The following BRINP1 variants were observed in gnomAD, a reference collection of about 807,000 sequenced individuals.
The protein encoded by BRINP1 is BMP/retinoic acid inducible neural specific 1, also known as BMP/retinoic acid-inducible neural-specific protein 1.
A neutral mutation model predicts 72.9 loss-of-function variants in BRINP1; 17 were observed. That is an observed-to-expected ratio of 0.23 (90% CI 0.16 to 0.35). The LOEUF is 0.35. BRINP1 is among the 10% of genes least tolerant of loss of function. BRINP1 has a pLI of 1.00. For synonymous variants in BRINP1, 418 were observed against 378.5 expected (o/e 1.10, Z -1.21); for missense variants, 850 against 1,001.6 (o/e 0.85, Z 2.04).
Position 119,249,069 on chromosome 9 carries a change from C to T in BRINP1, c.300G>A (p.Glu100=). 6.2e-7 allele frequency: 1 copy of T among 1,614,114 alleles called. No homozygotes were observed. The highest frequency in any genetic ancestry group is 8.5e-7 in the Non-Finnish European group (1 of 1,180,022). Residue 100 remains glutamate, a synonymous_variant, in exon 3 of 8, where the codon GAG becomes GAA. Coordinates refer to ENST00000265922, the MANE Select transcript of BRINP1 (RefSeq NM_014618.3). ...LVRHPVPLMP[E]FQRSIRLLGR... is the part of the protein sequence containing the mutation. ...CAAGCAGGCGGATGCTCCTTTGAAA[C>T]TCCGGCATGAGGGGCACTGGATGGC...
chr9:119,349,441 G>A (rs993826702), intron 1 of BRINP1, among the ~76,000 whole-genome samples: 1 of 152,200 alleles, frequency 6.6e-6, no homozygotes, highest in Admixed American at 6.5e-5. Context: ...TTGGAGAGAA[G>A]CCGAGAGATT....
chr9:119,327,786 A>G (rs1449992634), intron 1 of BRINP1, among the ~76,000 whole-genome samples: 1 of 152,166 alleles, frequency 6.6e-6, no homozygotes, highest in East Asian at 1.9e-4. Context: ...CATGACAATA[A>G]AGAATAATGG....
intron 2 of BRINP1, among the ~76,000 whole-genome samples, chr9:119,276,784 T>A (rs1264417626): frequency 1.3e-5 from 2 of 152,216 alleles, no homozygotes; most frequent in Non-Finnish European, 2.9e-5. Flanking sequence ...CAGATTTAAA[T>A]TCTTTGTCTT....
intron 7 of BRINP1, among the ~76,000 whole-genome samples, chr9:119,175,107 T>A (rs1829466647): frequency 5.8e-5 from 3 of 52,038 alleles, no homozygotes; most frequent in African/African-American, 1.8e-4. Context: ...CCCTAAAACT[T>A]AAAGTAAAGT....
At chr9:119,358,998 T>C (rs1236766272) in intron 1 of BRINP1, among the ~76,000 whole-genome samples, 2 of 152,192 alleles carry the variant, frequency 1.3e-5, no homozygotes, top group Non-Finnish European at 2.9e-5. Context: ...TAATACTTTT[T>C]TTCTACATGT....
intron 7 of BRINP1, among the ~76,000 whole-genome samples, chr9:119,185,548 A>G (rs980626842): frequency 2.6e-5 from 4 of 152,228 alleles, no homozygotes; most frequent in African/African-American, 9.6e-5. Context: ...GGACCAAAAC[A>G]ATGAACAAAC....
chr9:119,202,571 C>T lies in BRINP1; in HGVS notation c.1145+6148G>A, dbSNP rs751616791. ...TTAAAGTCCATCTTTCCCTTTTTAACTGCACAGTGTAAGGATCTCCTGGTG... is the reference window on the plus strand; with the variant it reads ...TTAAAGTCCATCTTTCCCTTTTTAATTGCACAGTGTAAGGATCTCCTGGTG... On this transcript the variant is annotated intron_variant, in intron 7 of 7. Transcript: ENST00000265922. Among the ~76,000 whole-genome samples the T allele has an allele frequency of 1.2e-4, 19 of 152,166 alleles. 1 individual carries two copies. Among genetic ancestry groups the T allele is most frequent in the Non-Finnish European group, 2.8e-4 (19 of 68,036 alleles).
intron 2 of BRINP1, among the ~76,000 whole-genome samples, chr9:119,280,776 C>G (rs927168459): frequency 6.6e-6 from 1 of 152,106 alleles, no homozygotes; most frequent in African/African-American, 2.4e-5. Flanking sequence ...GTGTGAAGAA[C>G]TGGCCCCAAG....
chr9:119,341,576 G>C (rs1831406505), intron 1 of BRINP1, among the ~76,000 whole-genome samples: 1 of 152,156 alleles, frequency 6.6e-6, no homozygotes, highest in Admixed American at 6.5e-5. Context: ...ATAAACAACT[G>C]ACACTCTACA....
At chr9:119,172,269 A>G (rs1446558323) in intron 7 of BRINP1, among the ~76,000 whole-genome samples, 1 of 152,124 alleles carries the variant, frequency 6.6e-6, no homozygotes, top group African/African-American at 2.4e-5. Context: ...GAAGAATCAA[A>G]TAGACGCAAT....
chr9:119,254,689 G>A (rs73661139), intron 2 of BRINP1, among the ~76,000 whole-genome samples: 8,080 of 152,220 alleles, frequency 0.053, 249 homozygotes, highest in Non-Finnish European at 0.07. Flanking sequence ...AGGAAGGGTA[G>A]GCAAACATTT....
intron 2 of BRINP1, among the ~76,000 whole-genome samples, chr9:119,277,029 C>T (rs1830663727): frequency 6.6e-6 from 1 of 152,118 alleles, no homozygotes; most frequent in Non-Finnish European, 1.5e-5. Context: ...TATAGTTTTG[C>T]CTTGTTCAGA....
At chr9:119,315,221 G>A (rs948780784) in intron 1 of BRINP1, among the ~76,000 whole-genome samples, 1 of 151,748 alleles carries the variant, frequency 6.6e-6, no homozygotes. Flanking sequence ...CAAATCGAAG[G>A]CTTGTGGCAG....
At chr9:119,299,910 A>G (rs1397818376) in intron 2 of BRINP1, among the ~76,000 whole-genome samples, 1 of 152,128 alleles carries the variant, frequency 6.6e-6, no homozygotes, top group Non-Finnish European at 1.5e-5. Context: ...GTGATCACCA[A>G]CCTTATCCAA....
chr9:119,360,022 C>A (rs184043221), intron 1 of BRINP1, among the ~76,000 whole-genome samples: 13 of 152,312 alleles, frequency 8.5e-5, no homozygotes, highest in South Asian at 8.3e-4. Flanking sequence ...TAAGCAAAAA[C>A]TGGAGCTGAC....
At chr9:119,194,433 G>T (rs1192326479) in intron 7 of BRINP1, among the ~76,000 whole-genome samples, 1 of 152,138 alleles carries the variant, frequency 6.6e-6, no homozygotes, top group Non-Finnish European at 1.5e-5. Flanking sequence ...ACCTGTAACG[G>T]TGATGAGATA....
At chr9:119,274,910 T>C (rs1830640976) in intron 2 of BRINP1, among the ~76,000 whole-genome samples, 1 of 152,196 alleles carries the variant, frequency 6.6e-6, no homozygotes, top group Admixed American at 6.5e-5. Flanking sequence ...ATATCCAATA[T>C]ATATACTATA....
chr9:119,351,249 G>A (rs1205143868), intron 1 of BRINP1, among the ~76,000 whole-genome samples: 1 of 152,110 alleles, frequency 6.6e-6, no homozygotes, highest in Non-Finnish European at 1.5e-5. Context: ...TACATTTTAT[G>A]TGAGCAGCAC....
intron 2 of BRINP1, among the ~76,000 whole-genome samples, chr9:119,301,445 A>AT (rs1232391176): frequency 2.6e-5 from 4 of 152,212 alleles, no homozygotes; most frequent in African/African-American, 7.2e-5. Flanking sequence ...TTTACATAAT[A>AT]TTTTGAAAGA....
Sources: allele counts gnomAD v4.1 joint callset (sites outside exome capture counted in the v4.1 genomes callset), GRCh38; gene constraint gnomAD v4.1.1; transcripts MANE v1.5; gene names NCBI Gene and HGNC (gene_info 2026-07-23, HGNC 2026-07-21).